LRGUK: variants seen among roughly 807,000 people sequenced by gnomAD.
LRGUK encodes the protein leucine rich repeats and guanylate kinase domain containing.
LRGUK carries 65 observed loss-of-function variants against 76.0 expected under a neutral mutation model. That is an observed-to-expected ratio of 0.85 (90% CI 0.70 to 1.05). LRGUK has a LOEUF of 1.05. LRGUK is among the 50% of genes least tolerant of loss of function. The pLI, the probability that LRGUK is intolerant of heterozygous loss-of-function variation, is 0.00. For missense variants in LRGUK, 758 were observed against 732.8 expected, an observed-to-expected ratio of 1.03 and a Z score of -0.40; for synonymous variants, 268 against 265.6, an observed-to-expected ratio of 1.01 and a Z score of -0.09.
At chr7:134,223,664 G>T (rs1476518989) in intron 16 of LRGUK, among the ~76,000 whole-genome samples, 1 of 152,166 alleles carries the variant, frequency 6.6e-6, no homozygotes, top group African/African-American at 2.4e-5. Flanking sequence ...AGGGCCTCTA[G>T]CCTCATAACC....
intron 7 of LRGUK, among the ~76,000 whole-genome samples, chr7:134,166,382 T>C (rs545893697): frequency 1.0e-3 from 159 of 152,260 alleles, no homozygotes; most frequent in Non-Finnish European, 1.8e-3. Flanking sequence ...AGATTTTATA[T>C]CATTTCCAGC....
chr7:134,256,446 C>T (rs571204412), intron 18 of LRGUK, among the ~76,000 whole-genome samples: 190 of 134,384 alleles, frequency 1.4e-3, no homozygotes, highest in Admixed American at 2.1e-3. Flanking sequence ...GCAACAAGAG[C>T]GAAACTCTGT....
intron 13 of LRGUK, 87 bp from the exon 14 acceptor site, chr7:134,199,130 ACTT>A (rs1206059402): frequency 1.1e-6 from 1 of 920,024 alleles, no homozygotes; most frequent in Non-Finnish European, 1.7e-6. Flanking sequence ...TAATAATACT[ACTT>A]CTTATACCCA....
At chr7:134,174,534 A>AT in intron 7 of LRGUK, 22 bp from the exon 8 acceptor site, 1 of 1,478,452 alleles carries the variant, frequency 6.8e-7, no homozygotes, top group Non-Finnish European at 9.4e-7. Context: ...TCTGTTGATA[A>AT]TTTTTTTCTT....
At chr7:134,244,407 A>T (rs1022650285) in intron 16 of LRGUK, among the ~76,000 whole-genome samples, 1 of 152,230 alleles carries the variant, frequency 6.6e-6, no homozygotes, top group Non-Finnish European at 1.5e-5. Context: ...ATGAACAGAC[A>T]CTTCTCAAAA....
chr7:134,139,912 G>T (rs151027017), intron 3 of LRGUK, among the ~76,000 whole-genome samples: 12 of 151,094 alleles, frequency 7.9e-5, no homozygotes, highest in African/African-American at 2.9e-4. Context: ...TTTTGCTTTT[G>T]CATTTATATT....
At chr7:134,219,542 T>A (rs1801520927) in intron 15 of LRGUK, among the ~76,000 whole-genome samples, 1 of 152,236 alleles carries the variant, frequency 6.6e-6, no homozygotes, top group Non-Finnish European at 1.5e-5. Flanking sequence ...TGAATATAGC[T>A]TTTGTTTCTT....
intron 9 of LRGUK, 25 bp from the exon 10 acceptor site, chr7:134,178,477 CT>C: frequency 1.3e-6 from 2 of 1,561,030 alleles, no homozygotes; most frequent in Non-Finnish European, 1.7e-6. Context: ...CTTTTTTTCC[CT>C]TTTACATCTC....
chr7:134,161,513 G>A (rs911672230), intron 6 of LRGUK, among the ~76,000 whole-genome samples: 5 of 151,432 alleles, frequency 3.3e-5, no homozygotes, highest in South Asian at 2.1e-4. Context: ...GTAGATTATC[G>A]GCATTCTATT....
Position 134,130,287 on chromosome 7 carries a change from TCC to T in LRGUK, c.297+2634_297+2635del, listed in dbSNP as rs376297003. Among the ~76,000 whole-genome samples, 1,121 of 151,918 alleles carry T rather than the reference TCC, an allele frequency of 7.4e-3. 12 individuals carry two copies. Among genetic ancestry groups the T allele is most frequent in the African/African-American group, 0.026 (1,069 of 41,282 alleles). Reference sequence around the variant, plus strand: ...GATGTTTGTATGGTTTCCACCAGCTTCCCCCCCCCCCCAGAGGAATTCACAAA... The same window carrying T: ...GATGTTTGTATGGTTTCCACCAGCTTCCCCCCCCCCAGAGGAATTCACAAA... On this transcript the variant is annotated intron_variant, in intron 1 of 15. Transcript: ENST00000645682.
At chr7:134,271,852 G>A in the LRGUK span, among the ~76,000 whole-genome samples, 38 of 151,964 alleles carry the variant, frequency 2.5e-4, no homozygotes, top group Admixed American at 1.4e-3. Context: ...TATTTTCTCC[G>A]TCTGGTGTAT....
At chr7:134,164,345 T>C (rs1798882517) in intron 7 of LRGUK, among the ~76,000 whole-genome samples, 1 of 152,188 alleles carries the variant, frequency 6.6e-6, no homozygotes, top group Admixed American at 6.5e-5. Flanking sequence ...GGAGTTCTTA[T>C]ATACCAATCT....
chr7:134,214,738 A>T (rs1001217686), downstream of LRGUK, among the ~76,000 whole-genome samples: 2 of 151,318 alleles, frequency 1.3e-5, no homozygotes, highest in African/African-American at 2.4e-5. Context: ...ACAATGACCT[A>T]TGTTTATTCA....
intron 11 of LRGUK, among the ~76,000 whole-genome samples, chr7:134,188,460 G>A (rs898943943): frequency 2.0e-5 from 3 of 152,100 alleles, no homozygotes; most frequent in African/African-American, 2.4e-5. Context: ...TTTGGGAAAG[G>A]GCTTAGGGAA....
At chr7:134,209,571 T>G (rs1364199248) in exon 16 of LRGUK, 7 of 398,878 alleles carry the variant, frequency 1.8e-5, no homozygotes, top group Non-Finnish European at 3.1e-5. Context: ...CCTCAGGTGC[T>G]GGCTCCCCTC....
chr7:134,155,095 T>C (rs1798398535), intron 5 of LRGUK, among the ~76,000 whole-genome samples: 1 of 152,188 alleles, frequency 6.6e-6, no homozygotes, highest in South Asian at 2.1e-4. Flanking sequence ...ACTCCTAAAA[T>C]AGGACTTAAA....
intron 13 of LRGUK, 114 bp from the exon 14 acceptor site, chr7:134,199,106 A>T: frequency 1.4e-6 from 1 of 719,020 alleles, no homozygotes; most frequent in Non-Finnish European, 2.3e-6. Flanking sequence ...GATGAAATAA[A>T]TTCTTCAATA....
At chr7:134,143,926 T>C (rs1468883518) in intron 4 of LRGUK, among the ~76,000 whole-genome samples, 1 of 152,180 alleles carries the variant, frequency 6.6e-6, no homozygotes, top group East Asian at 1.9e-4. Flanking sequence ...ATGCCACTGG[T>C]CCATCGGTCA....
chr7:134,147,585 G>T lies in LRGUK; in HGVS notation c.589-653G>T, dbSNP rs546650845. Among the ~76,000 whole-genome samples, 17 of 152,284 alleles carry T rather than the reference G, an allele frequency of 1.1e-4. 1 individual carries two copies. In the East Asian group the frequency reaches 3.3e-3, roughly 29 times the overall value. ...GCAGTAGAGAAAATGAAATGGTTGT[G>T]GGTAAGGATGAAATTGAGGTAAATC... On this transcript the variant is annotated intron_variant, in intron 4 of 15. Coordinates refer to ENST00000645682, the Ensembl canonical transcript of LRGUK.
Sources: allele counts gnomAD v4.1 joint callset (sites outside exome capture counted in the v4.1 genomes callset), GRCh38; gene constraint gnomAD v4.1.1; transcripts MANE v1.5; gene names NCBI Gene and HGNC (gene_info 2026-07-23, HGNC 2026-07-21).